The following CLASP1 variants were observed in gnomAD, a reference collection of about 807,000 sequenced individuals.
CLASP1 encodes cytoplasmic linker associated protein 1.
Under a neutral mutation model 192.3 loss-of-function variants are expected in CLASP1, and 38 were observed. The ratio of observed to expected loss-of-function variants is 0.20; its 90% confidence interval spans 0.15 to 0.26. The LOEUF (loss-of-function observed/expected upper bound fraction) is 0.26, where lower values mean the gene tolerates loss of function less well. Ranked by LOEUF, CLASP1 falls within the 10% of genes least tolerant of loss-of-function variation. The pLI, the probability that CLASP1 is intolerant of heterozygous loss-of-function variation, is 1.00. For synonymous variants in CLASP1, 691 were observed against 712.8 expected, an observed-to-expected ratio of 0.97 and a Z score of 0.49; for missense variants, 1,433 against 1,932.5, an observed-to-expected ratio of 0.74 and a Z score of 4.85.
intron 1 of CLASP1, among the ~76,000 whole-genome samples, chr2:121,645,040 T>C (rs2072915134): frequency 1.3e-5 from 2 of 152,032 alleles, no homozygotes; most frequent in African/African-American, 2.4e-5. Flanking sequence ...ACTAACCATT[T>C]AGGGCTGTTT....
Position 121,393,973 on chromosome 2 carries a change from T to C in CLASP1, c.3123+3167A>G, listed in dbSNP as rs367871669. 6.6e-5 allele frequency among the ~76,000 whole-genome samples: 10 copies of C among 152,094 alleles called. No homozygotes were observed. The East Asian group carries it at 1.9e-3, about 29-fold the overall frequency. ...TGCATAGATAGGTAAAAAAGCGCCC[T>C]TCTAAAATAAGAGCCAAGGAATTAT... On this transcript the variant is annotated intron_variant, in intron 30 of 39. Transcript: ENST00000263710.
intron 7 of CLASP1, among the ~76,000 whole-genome samples, chr2:121,512,372 C>A (rs2094163768): frequency 6.6e-6 from 1 of 152,178 alleles, no homozygotes; most frequent in Admixed American, 6.5e-5. Flanking sequence ...ATTAAGTTGT[C>A]AAGCATGCCT....
chr2:121,490,620 A>C (rs1417416096), intron 8 of CLASP1, among the ~76,000 whole-genome samples: 1 of 152,246 alleles, frequency 6.6e-6, no homozygotes, highest in Non-Finnish European at 1.5e-5. Context: ...TCTTAAAAAG[A>C]AAAATATCAA....
At chr2:121,538,945 C>A (rs2095164667) in intron 2 of CLASP1, among the ~76,000 whole-genome samples, 1 of 151,964 alleles carries the variant, frequency 6.6e-6, no homozygotes, top group Admixed American at 6.5e-5. Context: ...TAAAAATAAA[C>A]ACCTAGGAAT....
At chr2:121,451,273 T>C (rs2085418302) in intron 15 of CLASP1, among the ~76,000 whole-genome samples, 1 of 152,244 alleles carries the variant, frequency 6.6e-6, no homozygotes, top group Non-Finnish European at 1.5e-5. Context: ...CACAAGCTGA[T>C]TTTTTAAAAA....
intron 30 of CLASP1, among the ~76,000 whole-genome samples, chr2:121,395,025 C>T (rs1261141786): frequency 2.6e-5 from 4 of 152,074 alleles, no homozygotes; most frequent in African/African-American, 4.8e-5. Context: ...TTCCTGGCAG[C>T]CTCTACTAGC....
At chr2:121,465,155 A>G (rs2089264302) in intron 9 of CLASP1, among the ~76,000 whole-genome samples, 1 of 152,194 alleles carries the variant, frequency 6.6e-6, no homozygotes, top group Non-Finnish European at 1.5e-5. Flanking sequence ...ACACAGTGTT[A>G]GAAGTTCTGG....
intron 14 of CLASP1, among the ~76,000 whole-genome samples, chr2:121,455,312 A>C (rs1362350605): frequency 6.6e-6 from 1 of 152,198 alleles, no homozygotes; most frequent in African/African-American, 2.4e-5. Flanking sequence ...ATATATCCCC[A>C]AAAAATGAAG....
At chr2:121,419,269 A>G (rs1182956856) in intron 22 of CLASP1, among the ~76,000 whole-genome samples, 5 of 152,250 alleles carry the variant, frequency 3.3e-5, no homozygotes, top group Non-Finnish European at 7.3e-5. Context: ...AAGAGAAGCC[A>G]TAAGAGTTGA....
intron 19 of CLASP1, among the ~76,000 whole-genome samples, chr2:121,433,242 A>G (rs1343252855): frequency 6.6e-6 from 1 of 151,936 alleles, no homozygotes; most frequent in African/African-American, 2.4e-5. Context: ...GAATCTCTCG[A>G]AACCGGGGCG....
At chr2:121,644,380 T>C (rs1041532131) in intron 1 of CLASP1, among the ~76,000 whole-genome samples, 5 of 148,500 alleles carry the variant, frequency 3.4e-5, no homozygotes, top group Non-Finnish European at 7.4e-5. Context: ...CCGGGGGCAG[T>C]GGGTCACACC....
At chr2:121,505,398 T>C (rs1395356107) in intron 7 of CLASP1, 2 of 152,164 alleles carry the variant, frequency 1.3e-5, no homozygotes, top group Non-Finnish European at 2.9e-5. Context: ...CCACCTTAAT[T>C]CAGAATTCCC....
intron 1 of CLASP1, among the ~76,000 whole-genome samples, chr2:121,638,277 GAATGGTTATAATAAAAATAAAAATTAAA>G (rs2071285526): frequency 2.0e-5 from 3 of 151,874 alleles, no homozygotes; most frequent in Admixed American, 6.6e-5. Context: ...TTATATTATA[GAATGGTTATAATAAAAATAAAAATTAAA>G]AAAAAACACA....
intron 37 of CLASP1, among the ~76,000 whole-genome samples, chr2:121,353,472 C>T (rs954786448): frequency 1.3e-5 from 2 of 152,188 alleles, no homozygotes; most frequent in Non-Finnish European, 2.9e-5. Flanking sequence ...CAAGGCCTAG[C>T]TCCTTCCTGC....
At chr2:121,591,572 C>A (rs894051504) in intron 2 of CLASP1, among the ~76,000 whole-genome samples, 1 of 152,168 alleles carries the variant, frequency 6.6e-6, no homozygotes. Flanking sequence ...GCAGGGAAGT[C>A]TCTCTTGATT....
intron 10 of CLASP1, among the ~76,000 whole-genome samples, 178 bp from the exon 11 acceptor site, chr2:121,461,371 G>T (rs544132796): frequency 6.6e-6 from 1 of 152,128 alleles, no homozygotes; most frequent in Non-Finnish European, 1.5e-5. Flanking sequence ...CACTACAAAT[G>T]TGTACCCACA....
At chr2:121,442,020 A>C (rs2083429788) in intron 19 of CLASP1, among the ~76,000 whole-genome samples, 1 of 152,208 alleles carries the variant, frequency 6.6e-6, no homozygotes, top group African/African-American at 2.4e-5. Flanking sequence ...TTTTGACTAC[A>C]TCTTAATAAA....
intron 2 of CLASP1, among the ~76,000 whole-genome samples, chr2:121,572,978 A>C (rs6760214): frequency 6.6e-6 from 1 of 152,178 alleles, no homozygotes; most frequent in Non-Finnish European, 1.5e-5. Context: ...TTTTGTTTTT[A>C]AGATGGAGTC....
chr2:121,502,587 G>A (rs2093790627), intron 8 of CLASP1, among the ~76,000 whole-genome samples: 1 of 152,222 alleles, frequency 6.6e-6, no homozygotes, highest in Non-Finnish European at 1.5e-5. Context: ...GAGGTCAAAC[G>A]TGGCTAGAGC....
Sources: gnomAD v4.1 joint callset for allele counts (sites outside exome capture counted in the v4.1 genomes callset) on GRCh38, gnomAD v4.1.1 for gene constraint, MANE v1.5 for transcripts, NCBI Gene and HGNC (gene_info 2026-07-23, HGNC 2026-07-21) for gene names.